Variants in TMEM132D observed in about 807,000 individuals in gnomAD.
TMEM132D encodes mature OL transmembrane protein.
In TMEM132D, 21 loss-of-function variants were observed where a neutral mutation model predicts 62.3. That is an observed-to-expected ratio of 0.34 (90% CI 0.24 to 0.49). The LOEUF is 0.49. Ranked by LOEUF, TMEM132D falls within the 20% of genes least tolerant of loss-of-function variation. TMEM132D has a pLI of 0.99. For missense variants in TMEM132D, 1,346 were observed against 1,402.8 expected, an observed-to-expected ratio of 0.96 and a Z score of 0.65; for synonymous variants, 621 against 575.6, an observed-to-expected ratio of 1.08 and a Z score of -1.13.
intron 4 of TMEM132D, among the ~76,000 whole-genome samples, chr12:129,269,338 A>T (rs1353080815): frequency 1.5e-5 from 2 of 136,252 alleles, no homozygotes; most frequent in Admixed American, 1.7e-4. Flanking sequence ...TTTGCACAGT[A>T]CTTTTTCTGA....
chr12:129,888,685 C>T (rs1221966134), intron 1 of TMEM132D, among the ~76,000 whole-genome samples: 2 of 152,184 alleles, frequency 1.3e-5, no homozygotes, highest in East Asian at 3.9e-4. Context: ...GCTTGGAGAG[C>T]AGAGCAAGAC....
At chr12:129,872,818 G>A (rs1279162289) in intron 1 of TMEM132D, among the ~76,000 whole-genome samples, 1 of 152,164 alleles carries the variant, frequency 6.6e-6, no homozygotes, top group African/African-American at 2.4e-5. Context: ...CAACAAACCC[G>A]TTAATAAAAC....
chr12:129,773,349 C>T (rs1039275170), intron 1 of TMEM132D, among the ~76,000 whole-genome samples: 2 of 152,076 alleles, frequency 1.3e-5, no homozygotes, highest in Non-Finnish European at 2.9e-5. Context: ...GAGGCTGCCA[C>T]GTGTCATGAA....
intron 2 of TMEM132D, among the ~76,000 whole-genome samples, chr12:129,626,205 A>C (rs988856364): frequency 6.6e-6 from 1 of 152,150 alleles, no homozygotes; most frequent in African/African-American, 2.4e-5. Flanking sequence ...GGCTTTGGGA[A>C]TCTCCAGGAG....
intron 3 of TMEM132D, among the ~76,000 whole-genome samples, chr12:129,368,775 A>T (rs1201314283): frequency 8.5e-5 from 13 of 152,146 alleles, no homozygotes. Flanking sequence ...ACCAAAAAAA[A>T]AAAACCCAAA....
chr12:129,570,393 C>A (rs766989785), intron 2 of TMEM132D, among the ~76,000 whole-genome samples: 1 of 152,160 alleles, frequency 6.6e-6, no homozygotes, highest in South Asian at 2.1e-4. Flanking sequence ...TAGCCTGAGA[C>A]AAGGATTCGC....
At chr12:129,413,674 T>G (rs1018475117) in intron 3 of TMEM132D, among the ~76,000 whole-genome samples, 6 of 152,214 alleles carry the variant, frequency 3.9e-5, no homozygotes, top group African/African-American at 1.4e-4. Context: ...CCTAAGGTTT[T>G]GAGTTCCACA....
intron 1 of TMEM132D, among the ~76,000 whole-genome samples, chr12:129,703,218 C>T (rs1447507290): frequency 6.6e-6 from 1 of 152,216 alleles, no homozygotes; most frequent in African/African-American, 2.4e-5. Context: ...CTGACCCCGA[C>T]TACTTGAGGA....
At chr12:129,840,932 T>G (rs773907450) in intron 1 of TMEM132D, among the ~76,000 whole-genome samples, 23 of 152,252 alleles carry the variant, frequency 1.5e-4, no homozygotes, top group Non-Finnish European at 3.1e-4. Flanking sequence ...TCACCTAGAA[T>G]GGTTATCGTC....
At chr12:129,499,843 C>T (rs1043752160) in intron 3 of TMEM132D, among the ~76,000 whole-genome samples, 9 of 152,198 alleles carry the variant, frequency 5.9e-5, no homozygotes, top group Admixed American at 2.0e-4. Context: ...TTAACGTTCC[C>T]CCTTCAATCA....
At chr12:129,488,136 G>C (rs2137058244) in intron 3 of TMEM132D, among the ~76,000 whole-genome samples, 1 of 152,128 alleles carries the variant, frequency 6.6e-6, no homozygotes, top group African/African-American at 2.4e-5. Flanking sequence ...CCGGCACCTT[G>C]ATCTTGGACT....
intron 2 of TMEM132D, among the ~76,000 whole-genome samples, chr12:129,652,738 G>C (rs1565937370): frequency 6.6e-6 from 1 of 152,190 alleles, no homozygotes; most frequent in Admixed American, 6.5e-5. Context: ...TCACACTTCT[G>C]ATCCACAGAA....
chr12:129,667,132 C>G (rs1031615554), intron 2 of TMEM132D, among the ~76,000 whole-genome samples: 2 of 152,134 alleles, frequency 1.3e-5, no homozygotes, highest in Non-Finnish European at 2.9e-5. Context: ...GTCCGAATAA[C>G]AGGGTTTTCT....
chr12:129,649,767 TG>T (rs1443895667), intron 2 of TMEM132D, among the ~76,000 whole-genome samples: 3 of 152,052 alleles, frequency 2.0e-5, no homozygotes, highest in African/African-American at 7.2e-5. Context: ...CATATGTATG[TG>T]TATATGTGTG....
At chr12:129,842,627 C>A (rs1330938781) in intron 1 of TMEM132D, among the ~76,000 whole-genome samples, 7 of 151,956 alleles carry the variant, frequency 4.6e-5, no homozygotes, top group Non-Finnish European at 1.0e-4. Context: ...TGACACCATG[C>A]CCAGCTTATT....
At chr12:129,244,507 TAA>T (rs1446407919) in intron 4 of TMEM132D, among the ~76,000 whole-genome samples, 1 of 152,122 alleles carries the variant, frequency 6.6e-6, no homozygotes, top group African/African-American at 2.4e-5. Context: ...GCTAGAAAGA[TAA>T]AAGTTTGAAA....
intron 4 of TMEM132D, among the ~76,000 whole-genome samples, chr12:129,305,820 G>A (rs577780574): frequency 6.6e-6 from 1 of 152,234 alleles, no homozygotes; most frequent in African/African-American, 2.4e-5. Flanking sequence ...GCAGTGCTGG[G>A]TGCATAGTAA....
intron 3 of TMEM132D, among the ~76,000 whole-genome samples, chr12:129,530,688 C>T (rs1159778250): frequency 6.6e-6 from 1 of 152,168 alleles, no homozygotes; most frequent in African/African-American, 2.4e-5. Context: ...CGTATAGGCT[C>T]TGGTTTCTAA....
intron 4 of TMEM132D, among the ~76,000 whole-genome samples, chr12:129,292,324 C>A (rs1045301280): frequency 3.3e-5 from 5 of 152,184 alleles, no homozygotes; most frequent in Non-Finnish European, 7.3e-5. Context: ...ATGGAAGAAG[C>A]CCATTAGCTC....
Sources: allele counts gnomAD v4.1 joint callset (sites outside exome capture counted in the v4.1 genomes callset), GRCh38; gene constraint gnomAD v4.1.1; transcripts MANE v1.5; gene names NCBI Gene and HGNC (gene_info 2026-07-23, HGNC 2026-07-21).